The following PGBD5 variants were observed in gnomAD, a reference collection of about 807,000 sequenced individuals.
PGBD5 encodes piggyBac transposable element-derived protein 5.
PGBD5 carries 14 observed loss-of-function variants against 47.9 expected under a neutral mutation model. That is an observed-to-expected ratio of 0.29 (90% confidence interval 0.19 to 0.46). The LOEUF (loss-of-function observed/expected upper bound fraction) is 0.46. PGBD5 is among the 20% of genes least tolerant of loss of function. PGBD5 has a pLI of 1.00. For synonymous variants in PGBD5, 316 were observed against 306.3 expected (o/e 1.03, Z -0.33); for missense variants, 635 against 716.0 (o/e 0.89, Z 1.29).
At chr1:230,333,770 C>A (rs1277735472) in intron 4 of PGBD5, among the ~76,000 whole-genome samples, 5 of 152,362 alleles carry the variant, frequency 3.3e-5, no homozygotes, top group Middle Eastern at 3.4e-3. Flanking sequence ...GGAGCTTGAG[C>A]TCGGTCTTTC....
At chr1:230,402,389 C>G (rs1019346577) in intron 1 of PGBD5, among the ~76,000 whole-genome samples, 7 of 152,212 alleles carry the variant, frequency 4.6e-5, no homozygotes, top group African/African-American at 1.7e-4. Flanking sequence ...TCTCTACAGA[C>G]CCAAACAAAA....
At chr1:230,397,994 T>G (rs1440970412) in intron 1 of PGBD5, among the ~76,000 whole-genome samples, 1 of 152,186 alleles carries the variant, frequency 6.6e-6, no homozygotes, top group Non-Finnish European at 1.5e-5. Context: ...CTCACAGATC[T>G]GCAAGGCCAG....
intron 1 of PGBD5, among the ~76,000 whole-genome samples, chr1:230,417,278 C>T (rs546398586): frequency 6.6e-6 from 1 of 152,060 alleles, no homozygotes; most frequent in Non-Finnish European, 1.5e-5. Flanking sequence ...TTTCCCTCCT[C>T]CTTCCTTAAA....
At chr1:230,405,419 C>A (rs1421052594) in intron 1 of PGBD5, among the ~76,000 whole-genome samples, 1 of 150,840 alleles carries the variant, frequency 6.6e-6, no homozygotes, top group Admixed American at 6.6e-5. Flanking sequence ...AATATATTTT[C>A]TCTTTCTTAT....
chr1:230,341,415 T>A (rs1419351262), intron 3 of PGBD5, among the ~76,000 whole-genome samples: 1 of 152,168 alleles, frequency 6.6e-6, no homozygotes, highest in Non-Finnish European at 1.5e-5. Flanking sequence ...TCCAGTGAAG[T>A]CTTATCCTAT....
intron 4 of PGBD5, among the ~76,000 whole-genome samples, chr1:230,334,774 G>A (rs1667276465): frequency 6.6e-6 from 1 of 152,158 alleles, no homozygotes; most frequent in African/African-American, 2.4e-5. Context: ...TCTAAAAATA[G>A]GCAAGGAGAT....
At chr1:230,351,618 AT>A (rs1408811182) in intron 2 of PGBD5, among the ~76,000 whole-genome samples, 2 of 151,676 alleles carry the variant, frequency 1.3e-5, no homozygotes, top group Non-Finnish European at 1.5e-5. Context: ...AAAAAATGCT[AT>A]TTTTTTTGGA....
At chr1:230,339,376 A>C (rs1365157563) in intron 3 of PGBD5, among the ~76,000 whole-genome samples, 1 of 152,230 alleles carries the variant, frequency 6.6e-6, no homozygotes, top group East Asian at 1.9e-4. Flanking sequence ...AAATACGCAT[A>C]AACTTTCCGG....
intron 2 of PGBD5, among the ~76,000 whole-genome samples, chr1:230,352,299 GT>G (rs1276703562): frequency 2.6e-5 from 4 of 152,200 alleles, no homozygotes; most frequent in Admixed American, 2.6e-4. Flanking sequence ...TACAGAAAAA[GT>G]TTGAACAAAT....
At chr1:230,398,106 G>A (rs1657044282) in intron 1 of PGBD5, among the ~76,000 whole-genome samples, 1 of 152,204 alleles carries the variant, frequency 6.6e-6, no homozygotes, top group African/African-American at 2.4e-5. Context: ...GAGTGGCACA[G>A]AGCTGAGACC....
At chr1:230,358,134 A>C (rs1667685425) in intron 1 of PGBD5, among the ~76,000 whole-genome samples, 1 of 152,154 alleles carries the variant, frequency 6.6e-6, no homozygotes, top group South Asian at 2.1e-4. Flanking sequence ...CCCAGACAGC[A>C]GTGCACAGCC....
intron 1 of PGBD5, among the ~76,000 whole-genome samples, chr1:230,414,030 G>A (rs1657465682): frequency 6.6e-6 from 1 of 152,162 alleles, no homozygotes; most frequent in African/African-American, 2.4e-5. Flanking sequence ...AAATTGATGG[G>A]GTGAAGGAAC....
Position 230,316,236 on chromosome 1 carries a change from A to G in PGBD5, c.*7189T>C, listed in dbSNP as rs1188346658. The G allele has an allele frequency of 6.5e-6, 1 of 152,834 alleles. No individual in the cohort carries two copies. The highest frequency in any genetic ancestry group is 1.5e-5 in the Non-Finnish European group (1 of 68,016). The allele number at this position is 152,834 out of a possible 1,614,324, so 9.5% of individuals were successfully genotyped here. A position where few individuals can be genotyped will look rare whatever the true frequency, so the allele number is the denominator to read the frequency against. On this transcript the variant is annotated 3_prime_UTR_variant, in exon 7 of 7. Coordinates refer to ENST00000391860, the MANE Select transcript of PGBD5 (RefSeq NM_001258311.2). The stretch of plus-strand genomic sequence containing the variant: ...CACATGTGTATATGTGTATACGTAC[A>G]TATGTGTATATATGTATTAAGTGGA...
At chr1:230,363,546 C>G (rs957480381) in intron 1 of PGBD5, among the ~76,000 whole-genome samples, 1 of 151,708 alleles carries the variant, frequency 6.6e-6, no homozygotes, top group Non-Finnish European at 1.5e-5. Flanking sequence ...TGCACCACTG[C>G]ACTCCAGCCT....
intron 3 of PGBD5, among the ~76,000 whole-genome samples, chr1:230,345,428 G>A (rs1017297391): frequency 6.6e-6 from 1 of 152,212 alleles, no homozygotes; most frequent in East Asian, 1.9e-4. Flanking sequence ...TGGCTCACAG[G>A]GGAGCCTGCA....
chr1:230,338,456 C>CTA (rs1329255551), intron 3 of PGBD5, among the ~76,000 whole-genome samples: 1 of 152,206 alleles, frequency 6.6e-6, no homozygotes, highest in Non-Finnish European at 1.5e-5. Context: ...GCGTTCAGCT[C>CTA]CTGGGGGCAA....
At position 230,323,679 on chromosome 1, in the gene PGBD5, T is replaced by A; in HGVS notation, c.1380-59A>T. The A allele has an allele frequency of 2.7e-6, 4 of 1,491,860 alleles. No homozygotes were observed. In the Admixed American group the frequency reaches 5.7e-5, roughly 21 times the overall value. The allele number at this position is 1,491,860 out of a possible 1,614,324, so 92.4% of individuals were successfully genotyped here. ...ATGGTTCATGGCACCCGGAGATGCA[T>A]CCCAAAGGCCCCCCCTCACCACAGC... On this transcript the variant is annotated intron_variant, in intron 6 of 6. Coordinates refer to ENST00000391860, the MANE Select transcript of PGBD5 (RefSeq NM_001258311.2). The surrounding 1 kb of genome is among the most constrained non-coding windows in gnomAD (Gnocchi z 4.1).
intron 1 of PGBD5, among the ~76,000 whole-genome samples, chr1:230,396,559 G>GCCCCCCCCCCCCCCC (rs61206058): frequency 2.0e-4 from 23 of 117,554 alleles, no homozygotes; most frequent in Non-Finnish European, 2.5e-4. Flanking sequence ...ACATTTTGTT[G>GCCCCCCCCCCCCCCC]CCCCCCCTCC....
At chr1:230,359,927 G>A (rs1413768309) in intron 1 of PGBD5, among the ~76,000 whole-genome samples, 4 of 152,212 alleles carry the variant, frequency 2.6e-5, no homozygotes, top group Non-Finnish European at 5.9e-5. Context: ...AAGAGGCCCT[G>A]GCTGGCATGA....
Sources: allele counts gnomAD v4.1 joint callset (sites outside exome capture counted in the v4.1 genomes callset), GRCh38; gene constraint gnomAD v4.1.1; non-coding constraint Gnocchi (gnomAD v3.1); transcripts MANE v1.5; gene names NCBI Gene and HGNC (gene_info 2026-07-23, HGNC 2026-07-21).